The following PPARA variants were observed in gnomAD, a reference collection of about 807,000 sequenced individuals.
PPARA encodes peroxisome proliferator-activated receptor alpha.
In PPARA, 22 loss-of-function variants were observed where a neutral mutation model predicts 42.2. The ratio of observed to expected loss-of-function variants is 0.52; its 90% CI spans 0.37 to 0.74. The LOEUF is 0.74. Ranked by LOEUF, PPARA falls within the 30% of genes least tolerant of loss-of-function variation. PPARA has a pLI of 0.00. For synonymous variants in PPARA, 242 were observed against 239.3 expected (o/e 1.01, Z -0.10); for missense variants, 465 against 608.2 (o/e 0.76, Z 2.48).
chr22:46,225,047 C>G lies in PPARA; in HGVS notation c.711+5033C>G, dbSNP rs1056037624. ...CAGGAGGCTTGGGTCGGGGTTGGAA[C>G]CGGCCAGGGTGCACGGAGGAGGCTG... On this transcript the variant is annotated intron_variant, in intron 7 of 8. Transcript: ENST00000407236. The surrounding 1 kb of genome is among the most constrained non-coding windows in gnomAD (Gnocchi z 4.1). Among the ~76,000 whole-genome samples the G allele has an allele frequency of 2.0e-5, 3 of 152,016 alleles. No individual in the cohort carries two copies. The highest frequency in any genetic ancestry group is 2.0e-4 in the Admixed American group (3 of 15,246).
In PPARA at chr22:46,187,724, C is replaced by T. The variant is rs1931011063; in HGVS notation, c.-42-10618C>T. On this transcript the variant is annotated intron_variant, in intron 3 of 8. Transcript: ENST00000407236. The surrounding 1 kb of genome is among the most constrained non-coding windows in gnomAD (Gnocchi z 4.9). Reference sequence around the variant, plus strand: ...TAACAATGTGCCATGATTGGCACTGCTGGCCTCTCCTACCTCTGCAGACTC... The same window carrying T: ...TAACAATGTGCCATGATTGGCACTGTTGGCCTCTCCTACCTCTGCAGACTC... 6.6e-6 allele frequency among the ~76,000 whole-genome samples: 1 copy of T among 152,224 alleles called. No individual in the cohort carries two copies. The highest frequency in any genetic ancestry group is 2.1e-4 in the South Asian group (1 of 4,836).
Position 46,160,102 on chromosome 22 carries a change from G to T in PPARA, c.-127+8132G>T, listed in dbSNP as rs1925930264. On this transcript the variant is annotated intron_variant, in intron 2 of 8. Coordinates refer to ENST00000407236, the MANE Select transcript of PPARA (RefSeq NM_005036.6). This position sits in a 1 kb window ranked among gnomAD's most constrained non-coding sequence, Gnocchi z 4.5. ...TGGGAAGTGCGGATCCAGGGCTGGT[G>T]CACTGAACCCAGAGGAGCAGGCTCC... 6.6e-6 allele frequency among the ~76,000 whole-genome samples: 1 copy of T among 152,232 alleles called. No individual in the cohort carries two copies.
In PPARA at chr22:46,183,926, G is replaced by A. The variant is rs908531182; in HGVS notation, c.-43+7090G>A. ...CTGCCTGAGGTCAAACCCCGGTCCCGGTGGTTCTGTGCCCCAGCGCATGTT... is the reference window on the plus strand; with the variant it reads ...CTGCCTGAGGTCAAACCCCGGTCCCAGTGGTTCTGTGCCCCAGCGCATGTT... On this transcript the variant is annotated intron_variant, in intron 3 of 8. Transcript: ENST00000407236. The surrounding 1 kb of genome is among the most constrained non-coding windows in gnomAD (Gnocchi z 5.5). 3.3e-5 allele frequency among the ~76,000 whole-genome samples: 5 copies of A among 152,214 alleles called. No individual in the cohort carries two copies. The highest frequency in any genetic ancestry group is 7.2e-5 in the African/African-American group (3 of 41,526).
chr22:46,232,310 G>A lies in PPARA; in HGVS notation c.1159+71G>A. On this transcript the variant is annotated intron_variant, in intron 8 of 8. Coordinates refer to ENST00000407236, the MANE Select transcript of PPARA (RefSeq NM_005036.6). The surrounding 1 kb of genome is among the most constrained non-coding windows in gnomAD (Gnocchi z 5.3). ...CCTGTCTTGAAAAATTTGACAATGG[G>A]AAATCCAGTACCAGCCTGAGCTGTT... 1 of 1,502,080 alleles carries A rather than the reference G, an allele frequency of 6.7e-7. No individual in the cohort carries two copies. The highest frequency in any genetic ancestry group is 9.3e-7 in the Non-Finnish European group (1 of 1,080,540). 93.0% of individuals were successfully genotyped at this position (1,502,080 alleles called of 1,614,324 possible).
chr22:46,199,038 A>G (rs1212309326), intron 4 of PPARA, among the ~76,000 whole-genome samples: 1 of 152,180 alleles, frequency 6.6e-6, no homozygotes, highest in East Asian at 1.9e-4. Context: ...CATGACCTCC[A>G]GTGCCCCTGG....
In PPARA at chr22:46,231,671, T is replaced by G. The variant is rs1047829616; in HGVS notation, c.712-121T>G. The stretch of plus-strand genomic sequence containing the variant: ...TAAGGACTATGTTCCGCGGGTATCT[T>G]GAGTCCTCTGAGGCACTGAGCTTGG... On this transcript the variant is annotated intron_variant, in intron 7 of 8. Coordinates refer to ENST00000407236, the MANE Select transcript of PPARA (RefSeq NM_005036.6). The surrounding 1 kb of genome is among the most constrained non-coding windows in gnomAD (Gnocchi z 7.7). The G allele has an allele frequency of 8.9e-6, 9 of 1,008,586 alleles. No homozygotes were observed. The highest frequency in any genetic ancestry group is 3.2e-5 in the African/African-American group (2 of 62,334). 62.5% of individuals were successfully genotyped at this position (1,008,586 alleles called of 1,614,324 possible).
chr22:46,238,806 C>G lies in PPARA; in HGVS notation c.*3426C>G, dbSNP rs1936289299. 1.3e-5 allele frequency: 2 copies of G among 152,442 alleles called. No homozygotes were observed. The highest frequency in any genetic ancestry group is 2.4e-5 in the African/African-American group (1 of 41,434). The allele number at this position is 152,442 out of a possible 1,614,324, so 9.4% of individuals were successfully genotyped here. On this transcript the variant is annotated 3_prime_UTR_variant, in exon 9 of 9. Transcript: ENST00000407236. The surrounding 1 kb of genome is among the most constrained non-coding windows in gnomAD (Gnocchi z 8.3). ...CCCACATGTTGGATTCCGTCCCCAC[C>G]ACACTTCCAGAGACCGGAGAACTGT...
rs115689392 is a variant in PPARA at position 46,208,644 on chromosome 22, A to T, written c.209-6529A>T. On this transcript the variant is annotated intron_variant, in intron 4 of 8. Coordinates refer to ENST00000407236, the MANE Select transcript of PPARA (RefSeq NM_005036.6). Reference sequence around the variant, plus strand: ...ACCATAGTGGGTAGTAGATCACTAAATCTTATTCTTCCTGTCTAACTAAAA... The same window carrying T: ...ACCATAGTGGGTAGTAGATCACTAATTCTTATTCTTCCTGTCTAACTAAAA... Among the ~76,000 whole-genome samples the T allele has an allele frequency of 7.6e-3, 1,156 of 152,186 alleles. 16 individuals are homozygous for T. Among genetic ancestry groups the T allele is most frequent in the African/African-American group, 0.027 (1,112 of 41,532 alleles).
rs1034241601 is a variant in PPARA, at chr22:46,173,369, A to G, written c.-126-3384A>G. Among the ~76,000 whole-genome samples, 3 of 152,346 alleles carry G rather than the reference A, an allele frequency of 2.0e-5. No individual in the cohort carries two copies. Among genetic ancestry groups the G allele is most frequent in the Middle Eastern group, 3.4e-3 (1 of 294 alleles). ...CAAAATGAAGGGCGTACAAGTTGTTAGAGAGGCTGGGAGCCTATTTAAGCA... is the reference window on the plus strand; with the variant it reads ...CAAAATGAAGGGCGTACAAGTTGTTGGAGAGGCTGGGAGCCTATTTAAGCA... On this transcript the variant is annotated intron_variant, in intron 2 of 8. Coordinates refer to ENST00000407236, the MANE Select transcript of PPARA (RefSeq NM_005036.6). The surrounding 1 kb of genome is among the most constrained non-coding windows in gnomAD (Gnocchi z 4.3).
In PPARA at chr22:46,161,859, C is replaced by T. The variant is rs1926227327; in HGVS notation, c.-127+9889C>T. Among the ~76,000 whole-genome samples, 1 of 152,188 alleles carries T rather than the reference C, an allele frequency of 6.6e-6. No individual in the cohort carries two copies. Among genetic ancestry groups the T allele is most frequent in the Admixed American group, 6.5e-5 (1 of 15,282 alleles). The stretch of plus-strand genomic sequence containing the variant: ...GCGCTTTTCTGGATGCCCCCACCCC[C>T]TCTGGCTCCACGAGGCCCCCTGTAC... On this transcript the variant is annotated intron_variant, in intron 2 of 8. Transcript: ENST00000407236. This position sits in a 1 kb window ranked among gnomAD's most constrained non-coding sequence, Gnocchi z 4.8.
chr22:46,235,401 C>T lies in PPARA; in HGVS notation c.*21C>T. 1 of 1,611,924 alleles carries T rather than the reference C, an allele frequency of 6.2e-7. No individual in the cohort carries two copies. Among genetic ancestry groups the T allele is most frequent in the South Asian group, 1.1e-5 (1 of 90,774 alleles). On this transcript the variant is annotated 3_prime_UTR_variant, in exon 9 of 9. Coordinates refer to ENST00000407236, the MANE Select transcript of PPARA (RefSeq NM_005036.6). This position sits in a 1 kb window ranked among gnomAD's most constrained non-coding sequence, Gnocchi z 7.0. ...ACTGAGTTCCTTCAGATCAGCCACACCTTTTCCAGGAGTTCTGAAGCTGAC... is the reference window on the plus strand; with the variant it reads ...ACTGAGTTCCTTCAGATCAGCCACATCTTTTCCAGGAGTTCTGAAGCTGAC...
chr22:46,162,153 G>A lies in PPARA; in HGVS notation c.-127+10183G>A, dbSNP rs536739667. Among the ~76,000 whole-genome samples, 6 of 152,290 alleles carry A rather than the reference G, an allele frequency of 3.9e-5. No homozygotes were observed. Among genetic ancestry groups the A allele is most frequent in the African/African-American group, 1.2e-4 (5 of 41,554 alleles). ...CAGACAGATTTTTCAGCTGGCCTGT[G>A]GCTCAGTTTCCCTCAGCTACAAGAG... On this transcript the variant is annotated intron_variant, in intron 2 of 8. Coordinates refer to ENST00000407236, the MANE Select transcript of PPARA (RefSeq NM_005036.6). The surrounding 1 kb of genome is among the most constrained non-coding windows in gnomAD (Gnocchi z 6.0).
At chr22:46,226,002 T>C (rs987804714) in intron 7 of PPARA, among the ~76,000 whole-genome samples, 4 of 141,754 alleles carry the variant, frequency 2.8e-5, no homozygotes, top group East Asian at 2.0e-4. Flanking sequence ...TACACACACA[T>C]ACAAACACAT....
At chr22:46,197,853 G>C (rs937997403) in intron 3 of PPARA, among the ~76,000 whole-genome samples, 2 of 151,730 alleles carry the variant, frequency 1.3e-5, no homozygotes, top group Non-Finnish European at 2.9e-5. Context: ...GCAGTGAGCT[G>C]AGATCGCACC....
Position 46,173,569 on chromosome 22 carries a change from A to C in PPARA, c.-126-3184A>C, listed in dbSNP as rs199713376. Among the ~76,000 whole-genome samples, 4 of 152,238 alleles carry C rather than the reference A, an allele frequency of 2.6e-5. No individual in the cohort carries two copies. In the East Asian group the frequency reaches 7.7e-4, roughly 29 times the overall value. On this transcript the variant is annotated intron_variant, in intron 2 of 8. Transcript: ENST00000407236. The surrounding 1 kb of genome is among the most constrained non-coding windows in gnomAD (Gnocchi z 4.3). ...AAGCTTGGAAATGGTATTCCTTAAA[A>C]ATGTCAGTATCATAAAAGACAAAGA...
chr22:46,186,661 C>T (rs1930851833), intron 3 of PPARA, among the ~76,000 whole-genome samples: 3 of 151,950 alleles, frequency 2.0e-5, no homozygotes, highest in South Asian at 2.1e-4. Flanking sequence ...TGCAGTGAGC[C>T]GAGATCACGC....
intron 4 of PPARA, among the ~76,000 whole-genome samples, chr22:46,199,076 C>T (rs1932711446): frequency 1.3e-5 from 2 of 152,214 alleles, no homozygotes; most frequent in Admixed American, 1.3e-4. Flanking sequence ...TCACGGCTCA[C>T]GGTGCCCCCT....
At position 46,225,946 on chromosome 22, in the gene PPARA, C is replaced by A. The variant is rs1353225483; in HGVS notation, c.712-5846C>A. On this transcript the variant is annotated intron_variant, in intron 7 of 8. Coordinates refer to ENST00000407236, the MANE Select transcript of PPARA (RefSeq NM_005036.6). This position sits in a 1 kb window ranked among gnomAD's most constrained non-coding sequence, Gnocchi z 4.1. ...ACATGCATGCTCACACACATGCACC[C>A]AGGCACACACAAATCCACATTCACC... is the stretch of plus-strand genomic sequence containing the variant. Among the ~76,000 whole-genome samples, 2 of 152,080 alleles carry A rather than the reference C, an allele frequency of 1.3e-5. No homozygotes were observed. Among genetic ancestry groups the A allele is most frequent in the Non-Finnish European group, 2.9e-5 (2 of 68,010 alleles).
rs1319044287 is a variant in PPARA, at chr22:46,230,154, C to T, written c.712-1638C>T. ...TGGGAGGCTGAGGTGGGCAGATTAC[C>T]TGAGGTCAGGAGTGCGACACCAGCC... On this transcript the variant is annotated intron_variant, in intron 7 of 8. Transcript: ENST00000407236. The surrounding 1 kb of genome is among the most constrained non-coding windows in gnomAD (Gnocchi z 5.0). 2.0e-5 allele frequency among the ~76,000 whole-genome samples: 3 copies of T among 152,142 alleles called. No homozygotes were observed. Among genetic ancestry groups the T allele is most frequent in the African/African-American group, 7.2e-5 (3 of 41,434 alleles).
Sources: gnomAD v4.1 joint callset for allele counts (sites outside exome capture counted in the v4.1 genomes callset) on GRCh38, gnomAD v4.1.1 for gene constraint, Gnocchi (gnomAD v3.1) non-coding constraint, MANE v1.5 for transcripts, NCBI Gene and HGNC (gene_info 2026-07-23, HGNC 2026-07-21) for gene names.